MAGEC3: variants seen among roughly 807,000 people sequenced by gnomAD.
The protein encoded by MAGEC3 is MAGE family member C3.
A neutral mutation model predicts 35.3 loss-of-function variants in MAGEC3; 34 were observed. That is an observed-to-expected ratio of 0.96 (90% CI 0.73 to 1.28). MAGEC3 has a LOEUF of 1.28. Among genes scored for constraint, MAGEC3 ranks in the 50% most tolerant of loss-of-function variants. The pLI is 0.00. For missense variants in MAGEC3, 561 were observed against 483.6 expected, an observed-to-expected ratio of 1.16 and a Z score of -1.50; for synonymous variants, 202 against 185.6, an observed-to-expected ratio of 1.09 and a Z score of -0.72.
At chrX:141,849,861 C>T (rs776143597) in intron 1 of MAGEC3, among the ~76,000 whole-genome samples, 2 of 111,263 alleles carry the variant, frequency 1.8e-5, no homozygotes, top group South Asian at 7.5e-4. Flanking sequence ...ACAGAGCAAT[C>T]CCATTACTTG....
intron 2 of MAGEC3, among the ~76,000 whole-genome samples, chrX:141,872,869 G>A (rs1311536444): frequency 8.9e-6 from 1 of 111,888 alleles, no homozygotes; most frequent in Non-Finnish European, 1.9e-5. Flanking sequence ...CAAATCACTT[G>A]AAAAGTGAAG....
chrX:141,851,709 A>T (rs1451918077), intron 1 of MAGEC3, among the ~76,000 whole-genome samples: 1 of 110,744 alleles, frequency 9.0e-6, no homozygotes, highest in African/African-American at 3.3e-5. Flanking sequence ...GAATTTGCCT[A>T]TTGTGAACTA....
chrX:141,894,557 C>T (rs1416089765), intron 4 of MAGEC3: 25 of 742,147 alleles, frequency 3.4e-5, no homozygotes, highest in South Asian at 3.3e-4. Flanking sequence ...CTGTTGCTGT[C>T]GGGACAGGAG....
chrX:141,895,458 G>A lies in MAGEC3; in HGVS notation c.1049-27G>A, dbSNP rs371561280. 53 of 1,208,533 alleles carry A rather than the reference G, an allele frequency of 4.4e-5. No individual in the cohort carries two copies. In the African/African-American group the frequency reaches 9.2e-4, roughly 21 times the overall value. On this transcript the variant is annotated intron_variant, in intron 5 of 7. Coordinates refer to ENST00000298296, the MANE Select transcript of MAGEC3 (RefSeq NM_138702.1). ...GGACTTCGCACCAAGGACAGAAGAA[G>A]CCCCGGTCTGCCCTGCGCTGCCATA... is the stretch of plus-strand genomic sequence containing the variant.
intron 1 of MAGEC3, among the ~76,000 whole-genome samples, chrX:141,840,228 A>G (rs750046453): frequency 8.9e-6 from 1 of 111,959 alleles, no homozygotes; most frequent in East Asian, 2.8e-4. Context: ...ATCACAAACC[A>G]CTAAAGAAAA....
intron 4 of MAGEC3, among the ~76,000 whole-genome samples, chrX:141,882,414 A>G (rs1455612477): frequency 1.8e-5 from 2 of 111,661 alleles, no homozygotes; most frequent in Non-Finnish European, 3.8e-5. Flanking sequence ...ACAGTTTGAT[A>G]TTTTGTAAAA....
intron 4 of MAGEC3, among the ~76,000 whole-genome samples, chrX:141,883,276 A>G (rs1331847188): frequency 2.7e-5 from 3 of 112,358 alleles, no homozygotes; most frequent in Admixed American, 1.9e-4. Flanking sequence ...TTGAAAGGTC[A>G]TTTAATTAGG....
intron 1 of MAGEC3, among the ~76,000 whole-genome samples, chrX:141,861,968 A>G (rs1333841193): frequency 8.9e-6 from 1 of 111,855 alleles, no homozygotes; most frequent in Non-Finnish European, 1.9e-5. Flanking sequence ...CTGCTCAGCA[A>G]AGGAACCAAT....
At chrX:141,875,820 G>C (rs1295116134) in intron 2 of MAGEC3, among the ~76,000 whole-genome samples, 4 of 112,127 alleles carry the variant, frequency 3.6e-5, no homozygotes, top group Non-Finnish European at 7.5e-5. Flanking sequence ...CCCAGTCTAG[G>C]AGAAGAGCTT....
At position 141,841,414 on chromosome X, in the gene MAGEC3, A is replaced by G. The variant is rs145557187; in HGVS notation, c.123+2976A>G. Among the ~76,000 whole-genome samples the G allele has an allele frequency of 4.0e-3, 448 of 112,041 alleles. 1 individual carries two copies. Among genetic ancestry groups the G allele is most frequent in the African/African-American group, 0.014 (423 of 30,911 alleles). ...GATCAAAAAGCTATCTATAGTTATT[A>G]TACATATTACCTGGGTGATGAAATA... On this transcript the variant is annotated intron_variant, in intron 1 of 7. Transcript: ENST00000298296.
chrX:141,848,999 C>T (rs1177649768), intron 1 of MAGEC3, among the ~76,000 whole-genome samples: 1 of 110,944 alleles, frequency 9.0e-6, no homozygotes, highest in Non-Finnish European at 1.9e-5. Flanking sequence ...AGTCAGAGGC[C>T]TCACATTACC....
At chrX:141,852,591 G>A (rs1433758454) in intron 1 of MAGEC3, among the ~76,000 whole-genome samples, 2 of 110,650 alleles carry the variant, frequency 1.8e-5, no homozygotes, top group Non-Finnish European at 3.8e-5. Context: ...TCTTTGTCAA[G>A]TTGAGGGTGT....
At chrX:141,890,144 A>G (rs2018030625) in intron 4 of MAGEC3, among the ~76,000 whole-genome samples, 1 of 111,485 alleles carries the variant, frequency 9.0e-6, no homozygotes, top group African/African-American at 3.3e-5. Flanking sequence ...TCCCCTTAAT[A>G]TGTACATCTG....
chrX:141,891,075 C>A (rs1299819140), intron 4 of MAGEC3, among the ~76,000 whole-genome samples: 1 of 111,842 alleles, frequency 8.9e-6, no homozygotes, highest in Admixed American at 9.5e-5. Flanking sequence ...GGTTTGAATT[C>A]TTCTGTGGGC....
intron 1 of MAGEC3, among the ~76,000 whole-genome samples, chrX:141,863,048 A>T (rs1036699245): frequency 8.9e-6 from 1 of 112,007 alleles, no homozygotes; most frequent in Non-Finnish European, 1.9e-5. Flanking sequence ...CAGATTTCAC[A>T]TGTACCCCAT....
At chrX:141,877,896 G>T (rs2017929900) in intron 2 of MAGEC3, among the ~76,000 whole-genome samples, 1 of 111,554 alleles carries the variant, frequency 9.0e-6, no homozygotes, top group Non-Finnish European at 1.9e-5. Flanking sequence ...CCTTGGTAAG[G>T]TTTCCTAAAA....
chrX:141,843,715 G>A (rs922988707), intron 1 of MAGEC3, among the ~76,000 whole-genome samples: 1 of 110,622 alleles, frequency 9.0e-6, no homozygotes, highest in African/African-American at 3.3e-5. Flanking sequence ...ATAATCAAAG[G>A]CAAATCCCTC....
At chrX:141,855,669 G>A (rs2017776611) in intron 1 of MAGEC3, among the ~76,000 whole-genome samples, 1 of 111,617 alleles carries the variant, frequency 9.0e-6, no homozygotes, top group Admixed American at 9.5e-5. Context: ...ACCACGTGCA[G>A]GTTCAAAATG....
At chrX:141,890,991 T>C (rs2018037329) in intron 4 of MAGEC3, among the ~76,000 whole-genome samples, 1 of 112,123 alleles carries the variant, frequency 8.9e-6, no homozygotes, top group Non-Finnish European at 1.9e-5. Context: ...TACTACAGAC[T>C]GTGTGATTAA....
Sources: allele counts gnomAD v4.1 joint callset (sites outside exome capture counted in the v4.1 genomes callset), GRCh38; gene constraint gnomAD v4.1.1; transcripts MANE v1.5; gene names NCBI Gene and HGNC (gene_info 2026-07-23, HGNC 2026-07-21).